Variants in NEGR1 observed in about 807,000 individuals in gnomAD.
NEGR1 encodes the protein neuronal growth regulator 1.
In NEGR1, 10 loss-of-function variants were observed where a neutral mutation model predicts 40.9. That is an observed-to-expected ratio of 0.24 (90% CI 0.15 to 0.42). The LOEUF (loss-of-function observed/expected upper bound fraction) is 0.42. NEGR1 is among the 10% of genes least tolerant of loss of function. The probability of loss-of-function intolerance (pLI) is 1.00; values close to 1 mark genes in which losing one functional copy is unlikely to be tolerated. For synonymous variants in NEGR1, 185 were observed against 166.8 expected (o/e 1.11, Z -0.84); for missense variants, 352 against 438.9 (o/e 0.80, Z 1.77).
At chr1:71,462,483 A>G (rs2101345209) in intron 6 of NEGR1, among the ~76,000 whole-genome samples, 1 of 152,284 alleles carries the variant, frequency 6.6e-6, no homozygotes, top group Admixed American at 6.5e-5. Flanking sequence ...GACCTTGCCC[A>G]GCAGGATGAC....
At chr1:71,739,420 C>T (rs191896315) in intron 3 of NEGR1, among the ~76,000 whole-genome samples, 54 of 151,672 alleles carry the variant, frequency 3.6e-4, no homozygotes, top group African/African-American at 1.3e-3. Context: ...TTAATAAACT[C>T]CCCTTTACAT....
intron 1 of NEGR1, among the ~76,000 whole-genome samples, chr1:72,048,234 C>T (rs745496001): frequency 2.0e-4 from 30 of 151,648 alleles, no homozygotes; most frequent in Non-Finnish European, 4.0e-4. Flanking sequence ...CACTTAATTC[C>T]CATGGAACTC....
At chr1:72,217,543 C>T (rs1675356) in intron 1 of NEGR1, among the ~76,000 whole-genome samples, 75,305 of 151,396 alleles carry the variant, frequency 0.5, 19,772 homozygotes, top group African/African-American at 0.65. Context: ...CATTACTTGG[C>T]AATAACTGTA....
intron 2 of NEGR1, among the ~76,000 whole-genome samples, chr1:71,934,510 A>G (rs2768396): frequency 0.037 from 5,570 of 152,238 alleles, 345 homozygotes; most frequent in African/African-American, 0.13. Context: ...ATCAAAGTAA[A>G]CAGAGGTTGG....
intron 1 of NEGR1, among the ~76,000 whole-genome samples, chr1:72,080,728 G>T (rs1315284042): frequency 3.3e-5 from 5 of 152,050 alleles, no homozygotes; most frequent in African/African-American, 4.8e-5. Flanking sequence ...AATTATAAGA[G>T]AAACCACCTC....
Position 72,179,068 on chromosome 1 carries a change from C to T in NEGR1, c.176+103251G>A, listed in dbSNP as rs1652272482. Among the ~76,000 whole-genome samples, 3 of 151,834 alleles carry T rather than the reference C, an allele frequency of 2.0e-5. No individual in the cohort carries two copies. The South Asian group carries it at 6.2e-4, about 31-fold the overall frequency. On this transcript the variant is annotated intron_variant, in intron 1 of 6. Coordinates refer to ENST00000357731, the MANE Select transcript of NEGR1 (RefSeq NM_173808.3). ...ATAATTGCTTTTGTCTTCATCATGA[C>T]GTCTCTGCCTGAGCTGATGTCCAGA... is the stretch of plus-strand genomic sequence containing the variant.
At chr1:71,713,435 G>T (rs1654172766) in intron 3 of NEGR1, among the ~76,000 whole-genome samples, 1 of 152,122 alleles carries the variant, frequency 6.6e-6, no homozygotes, top group Non-Finnish European at 1.5e-5. Context: ...AAAATGAAGG[G>T]AAATATACTT....
chr1:71,650,732 C>G (rs781407908), intron 4 of NEGR1, among the ~76,000 whole-genome samples: 11 of 151,980 alleles, frequency 7.2e-5, no homozygotes, highest in Non-Finnish European at 1.6e-4. Context: ...AATGTCATCA[C>G]CATGTGCTCT....
At position 71,565,394 on chromosome 1, in the gene NEGR1, C is replaced by T. The variant is rs990642610; in HGVS notation, c.940+27423G>A. Among the ~76,000 whole-genome samples the T allele has an allele frequency of 1.1e-4, 16 of 152,278 alleles. No homozygotes were observed. In the East Asian group the frequency reaches 2.7e-3, roughly 26 times the overall value. On this transcript the variant is annotated intron_variant, in intron 6 of 6. Coordinates refer to ENST00000357731, the MANE Select transcript of NEGR1 (RefSeq NM_173808.3). Reference sequence around the variant, plus strand: ...TGGCTAAGACTTTTATGATTCATGTCATTTCTTGTATACAGACTTCATCTC... The same window carrying T: ...TGGCTAAGACTTTTATGATTCATGTTATTTCTTGTATACAGACTTCATCTC...
At chr1:71,903,688 A>T (rs1661200238) in intron 2 of NEGR1, among the ~76,000 whole-genome samples, 1 of 151,830 alleles carries the variant, frequency 6.6e-6, no homozygotes, top group Non-Finnish European at 1.5e-5. Context: ...ATACATATAC[A>T]TATGTCTGTT....
chr1:71,610,434 AGGTTTTT>A (rs1202961410), intron 5 of NEGR1, among the ~76,000 whole-genome samples: 1 of 152,194 alleles, frequency 6.6e-6, no homozygotes, highest in Admixed American at 6.5e-5. Flanking sequence ...GCTCTTGCCA[AGGTTTTT>A]GGGTCTTCTC....
chr1:71,511,793 C>T (rs144128197), intron 6 of NEGR1, among the ~76,000 whole-genome samples: 74 of 152,196 alleles, frequency 4.9e-4, no homozygotes, highest in South Asian at 6.2e-4. Flanking sequence ...CACACAAAGT[C>T]AATATTAAAT....
intron 6 of NEGR1, among the ~76,000 whole-genome samples, chr1:71,416,060 T>C (rs1169695122): frequency 6.6e-6 from 1 of 152,160 alleles, no homozygotes; most frequent in Non-Finnish European, 1.5e-5. Context: ...AAGAAGGTTT[T>C]ACAGAAATAA....
chr1:72,253,543 AAG>A (rs1655171588), intron 1 of NEGR1, among the ~76,000 whole-genome samples: 2 of 152,200 alleles, frequency 1.3e-5, no homozygotes, highest in South Asian at 4.1e-4. Context: ...ACTGCAGAAA[AAG>A]AGAGTATGAA....
At chr1:72,201,288 A>C (rs2100446865) in intron 1 of NEGR1, among the ~76,000 whole-genome samples, 1 of 151,062 alleles carries the variant, frequency 6.6e-6, no homozygotes, top group Non-Finnish European at 1.5e-5. Flanking sequence ...TCACTAGTAT[A>C]ATATAAAAAA....
At chr1:72,168,086 A>T (rs557301317) in intron 1 of NEGR1, among the ~76,000 whole-genome samples, 2 of 151,418 alleles carry the variant, frequency 1.3e-5, no homozygotes, top group South Asian at 4.2e-4. Flanking sequence ...GCTAACTGCA[A>T]CCTCCACCTC....
At chr1:71,667,321 G>A (rs1652277418) in intron 4 of NEGR1, among the ~76,000 whole-genome samples, 1 of 152,178 alleles carries the variant, frequency 6.6e-6, no homozygotes, top group South Asian at 2.1e-4. Flanking sequence ...TGGTTTCTCA[G>A]AATGGTAATG....
At chr1:71,996,610 G>A (rs1646506564) in intron 1 of NEGR1, among the ~76,000 whole-genome samples, 1 of 152,050 alleles carries the variant, frequency 6.6e-6, no homozygotes, top group Admixed American at 6.5e-5. Flanking sequence ...TCTCTTCGCT[G>A]TCAAGGCTAC....
chr1:71,769,342 A>G (rs1415691344), intron 3 of NEGR1, among the ~76,000 whole-genome samples: 1 of 152,134 alleles, frequency 6.6e-6, no homozygotes, highest in Non-Finnish European at 1.5e-5. Context: ...AGCTATGTGA[A>G]TTACATTTTC....
Sources: gnomAD v4.1 joint callset for allele counts (sites outside exome capture counted in the v4.1 genomes callset) on GRCh38, gnomAD v4.1.1 for gene constraint, MANE v1.5 for transcripts, NCBI Gene and HGNC (gene_info 2026-07-23, HGNC 2026-07-21) for gene names.